Variants in CRADD observed in about 807,000 individuals in gnomAD.
The protein encoded by CRADD is death domain-containing protein CRADD.
In CRADD, 9 loss-of-function variants were observed where a neutral mutation model predicts 15.5. The observed-to-expected ratio is 0.58, with a 90% CI of 0.35 to 1.01. CRADD has a LOEUF of 1.01. Among genes scored for constraint, CRADD ranks in the 50% least tolerant of loss-of-function variants. The pLI is 0.02. For missense variants in CRADD, 227 were observed against 250.3 expected (o/e 0.91, Z 0.63); for synonymous variants, 118 against 107.6 (o/e 1.10, Z -0.60).
chr12:93,688,848 C>T (rs1592885383), intron 2 of CRADD, among the ~76,000 whole-genome samples: 1 of 152,206 alleles, frequency 6.6e-6, no homozygotes. Flanking sequence ...CCTGTGGCTG[C>T]TCCAGAGCCC....
chr12:93,807,291 A>G (rs1957550133), intron 2 of CRADD, among the ~76,000 whole-genome samples: 1 of 152,144 alleles, frequency 6.6e-6, no homozygotes, highest in South Asian at 2.1e-4. Flanking sequence ...ACCTTTTCAT[A>G]GGAGCACAGA....
At position 93,754,341 on chromosome 12, in the gene CRADD, A is replaced by T. The variant is rs143598580; in HGVS notation, c.298+75269A>T. 4.0e-4 allele frequency among the ~76,000 whole-genome samples: 61 copies of T among 152,320 alleles called. No homozygotes were observed. The East Asian group carries it at 0.01, about 26-fold the overall frequency. On this transcript the variant is annotated intron_variant, in intron 2 of 2. Coordinates refer to ENST00000332896, the MANE Select transcript of CRADD (RefSeq NM_003805.5). Reference sequence around the variant, plus strand: ...CAAAGATGCCTGACATGCCCTGGAGACATTTTCCCCATTGTCTTGGCAATT... The same window carrying T: ...CAAAGATGCCTGACATGCCCTGGAGTCATTTTCCCCATTGTCTTGGCAATT...
chr12:93,742,440 G>GGCTGCCTCTGCGGGCC (rs1956686103), intron 2 of CRADD, among the ~76,000 whole-genome samples: 1 of 150,726 alleles, frequency 6.6e-6, no homozygotes, highest in African/African-American at 2.4e-5. Context: ...GCCCTAGGGC[G>GGCTGCCTCTGCGGGCC]CCGGCTGCCT....
intron 2 of CRADD, chr12:93,815,831 A>G (rs1204145869): frequency 6.6e-6 from 1 of 152,254 alleles, no homozygotes; most frequent in African/African-American, 2.4e-5. Flanking sequence ...AAGCAAAAGA[A>G]TATGATTTTA....
chr12:93,691,994 T>C (rs1955584187), intron 2 of CRADD, among the ~76,000 whole-genome samples: 1 of 152,184 alleles, frequency 6.6e-6, no homozygotes, highest in Non-Finnish European at 1.5e-5. Context: ...GGCACACATT[T>C]ACCTATGTAA....
At chr12:93,767,894 A>G (rs1430493373) in intron 2 of CRADD, among the ~76,000 whole-genome samples, 1 of 152,242 alleles carries the variant, frequency 6.6e-6, no homozygotes, top group South Asian at 2.1e-4. Flanking sequence ...CAACACCACC[A>G]AAAACTCCTT....
intron 2 of CRADD, among the ~76,000 whole-genome samples, chr12:93,881,665 AAAG>A (rs2137073417): frequency 6.6e-6 from 1 of 152,354 alleles, no homozygotes; most frequent in South Asian, 2.1e-4. Context: ...TGATTTAAGT[AAAG>A]AAGACTTGTA....
At chr12:93,749,328 A>T (rs1482029009) in intron 2 of CRADD, among the ~76,000 whole-genome samples, 1 of 152,204 alleles carries the variant, frequency 6.6e-6, no homozygotes, top group Non-Finnish European at 1.5e-5. Flanking sequence ...TTGGAGCTTC[A>T]TGAGCAAAGG....
chr12:93,815,845 T>C (rs777875461), intron 2 of CRADD: 1 of 152,240 alleles, frequency 6.6e-6, no homozygotes, highest in Non-Finnish European at 1.5e-5. Context: ...GATTTTAGTT[T>C]ATTCTCTCCT....
rs184538412 is a variant in CRADD at position 93,765,899 on chromosome 12, G to A, written c.299-84071G>A. Among the ~76,000 whole-genome samples, 4 of 152,046 alleles carry A rather than the reference G, an allele frequency of 2.6e-5. No homozygotes were observed. In the East Asian group the frequency reaches 7.7e-4, roughly 29 times the overall value. On this transcript the variant is annotated intron_variant, in intron 2 of 2. Coordinates refer to ENST00000332896, the MANE Select transcript of CRADD (RefSeq NM_003805.5). ...AAGACTGTCATGTATGATTTTAGCA[G>A]AATACCTTGATCCAGATTGAGGAAC... is the stretch of plus-strand genomic sequence containing the variant.
At chr12:93,700,577 C>A (rs1373201423) in intron 2 of CRADD, among the ~76,000 whole-genome samples, 6 of 152,062 alleles carry the variant, frequency 3.9e-5, no homozygotes, top group Admixed American at 2.0e-4. Context: ...ACGACAGGCG[C>A]CCACCACCAT....
rs2136784485 is a variant in CRADD at position 93,678,987 on chromosome 12, A to G, written c.213A>G (p.Thr71=). The part of the protein sequence containing the change: ...LPSRGPKAFD[T]FLDSLQEFPW... ...CCAGGGGCCCTAAAGCATTTGATAC[A>G]TTCCTAGATTCCCTACAGGAGTTTC... The change falls in exon 2 of 3, where the codon ACA becomes ACG. Residue 71 remains threonine (T), a synonymous_variant. Coordinates refer to ENST00000332896, the MANE Select transcript of CRADD (RefSeq NM_003805.5). The G allele has an allele frequency of 6.2e-7, 1 of 1,614,048 alleles. No homozygotes were observed. Among genetic ancestry groups the G allele is most frequent in the African/African-American group, 1.3e-5 (1 of 75,038 alleles).
intron 2 of CRADD, among the ~76,000 whole-genome samples, chr12:93,816,514 A>C (rs1463299410): frequency 1.3e-5 from 2 of 151,810 alleles, no homozygotes; most frequent in African/African-American, 4.8e-5. Context: ...GGCGTGAGCC[A>C]CCATACCCTG....
At chr12:93,787,128 ATTT>A (rs11315592) in intron 2 of CRADD, among the ~76,000 whole-genome samples, 4,546 of 107,618 alleles carry the variant, frequency 0.042, 109 homozygotes, top group South Asian at 0.071. Context: ...TCTGCTGAAG[ATTT>A]TTTTTTTTTT....
intron 2 of CRADD, among the ~76,000 whole-genome samples, chr12:93,706,304 TA>T (rs1263074783): frequency 1.3e-5 from 2 of 152,246 alleles, no homozygotes; most frequent in Non-Finnish European, 2.9e-5. Flanking sequence ...GTTGATTCTT[TA>T]AAATGTACCA....
intron 2 of CRADD, among the ~76,000 whole-genome samples, chr12:93,819,586 T>C (rs1761433832): frequency 6.6e-6 from 1 of 152,044 alleles, no homozygotes; most frequent in Admixed American, 6.5e-5. Context: ...ATAAAGAAAA[T>C]CTAAAAAAAG....
intron 2 of CRADD, among the ~76,000 whole-genome samples, chr12:93,847,495 C>A (rs2093433892): frequency 2.1e-5 from 2 of 94,380 alleles, no homozygotes; most frequent in African/African-American, 4.0e-5. Context: ...ATGAGCATTG[C>A]TTGAAAAAAA....
chr12:93,681,898 G>T lies in CRADD; in HGVS notation c.298+2826G>T, dbSNP rs141425946. 2.4e-3 allele frequency among the ~76,000 whole-genome samples: 358 copies of T among 152,226 alleles called. 3 individuals are homozygous for T. Among genetic ancestry groups the T allele is most frequent in the South Asian group, 6.0e-3 (29 of 4,828 alleles). Reference sequence around the variant, plus strand: ...GTGTGTATATGTATATATGTATATAGAGAGAGATATATATGTTTTTTGTGT... The same window carrying T: ...GTGTGTATATGTATATATGTATATATAGAGAGATATATATGTTTTTTGTGT... On this transcript the variant is annotated intron_variant, in intron 2 of 2. Transcript: ENST00000332896.
Position 93,757,792 on chromosome 12 carries a change from A to G in CRADD, c.298+78720A>G, listed in dbSNP as rs1463155216. On this transcript the variant is annotated intron_variant, in intron 2 of 2. Transcript: ENST00000332896. ...GGGTAGGGAAAAAAAAGTGCAGGGG[A>G]GTGTCATCATCTGGTAGATAGTTTA... Among the ~76,000 whole-genome samples, 4 of 152,144 alleles carry G rather than the reference A, an allele frequency of 2.6e-5. No homozygotes were observed. In the East Asian group the frequency reaches 7.8e-4, roughly 29 times the overall value.
Sources: allele counts gnomAD v4.1 joint callset (sites outside exome capture counted in the v4.1 genomes callset), GRCh38; gene constraint gnomAD v4.1.1; transcripts MANE v1.5; gene names NCBI Gene and HGNC (gene_info 2026-07-23, HGNC 2026-07-21).